HOXA9: variants seen among roughly 807,000 people sequenced by gnomAD.
HOXA9 encodes homeobox A9, also known as homeobox protein Hox-A9.
In HOXA9, 18 loss-of-function variants were observed where a neutral mutation model predicts 19.0. The ratio of observed to expected loss-of-function variants is 0.95; its 90% confidence interval spans 0.65 to 1.40. The LOEUF is 1.40. HOXA9 is among the 40% of genes most tolerant of loss of function. The pLI is 0.00. For synonymous variants in HOXA9, 198 were observed against 161.1 expected, an observed-to-expected ratio of 1.23 and a Z score of -1.73; for missense variants, 443 against 372.2, an observed-to-expected ratio of 1.19 and a Z score of -1.57.
chr7:27,165,384 A>T lies in HOXA9; in HGVS notation c.74T>A (p.Leu25Gln). 6.2e-7 allele frequency: 1 copy of T among 1,607,388 alleles called. No individual in the cohort carries two copies. The highest frequency in any genetic ancestry group is 8.5e-7 in the Non-Finnish European group (1 of 1,178,132). ...CCCCGGCGCATAGCGGCCAACGCTC[A>T]GCTCATCCGCGGCGTCGGCGCCCAG... ...FLLGADAADE[L>Q]SVGRYAPGTL... Residue 25 changes from leucine to glutamine, a missense_variant, in exon 1 of 2, where the codon CTG becomes CAG. Physicochemically the swap from Leu to Gln is moderately radical, Grantham distance 113. Transcript: ENST00000343483.
chr7:27,164,904 C>T lies in HOXA9; in HGVS notation c.554G>A (p.Gly185Asp). Residue 185 changes from glycine to aspartate, a missense_variant, in exon 1 of 2, where the codon GGC becomes GAC. By Grantham distance (94) the Gly-to-Asp change is moderately conservative. Coordinates refer to ENST00000343483, the MANE Select transcript of HOXA9 (RefSeq NM_152739.4). ...FSENNAENESGGDKPPIDPNN... is the reference protein window; with the variant it reads ...FSENNAENESDGDKPPIDPNN... ...GGGATCGATGGGGGGCTTGTCTCCG[C>T]CGCTCTCATTCTCAGCATTGTTTTC... 1 of 1,614,152 alleles carries T rather than the reference C, an allele frequency of 6.2e-7. No homozygotes were observed. Among genetic ancestry groups the T allele is most frequent in the Non-Finnish European group, 8.5e-7 (1 of 1,180,000 alleles).
At position 27,165,451 on chromosome 7, in the gene HOXA9, T is replaced by G. The variant is rs1783313909; in HGVS notation, c.7A>C (p.Thr3Pro). The change falls in exon 1 of 2, where the codon ACC (threonine) becomes CCC (proline). Residue 3 changes from threonine to proline, a missense_variant. Physicochemically the swap from Thr to Pro is conservative, Grantham distance 38 (BLOSUM62 -1). Transcript: ENST00000343483. ...TAGTAGTTGCCCAGGGCCCCAGTGG[T>G]GGCCATCACCGTGCCCAGCGCCTGG... MATTGALGNYYVD... is the reference protein window; with the variant it reads MAPTGALGNYYVD... 1.3e-6 allele frequency: 2 copies of G among 1,597,102 alleles called. No individual in the cohort carries two copies. The highest frequency in any genetic ancestry group is 1.4e-5 in the African/African-American group (1 of 73,462).
At position 27,162,791 on chromosome 7, in the gene HOXA9, T is replaced by C. The variant is rs570502030; in HGVS notation, c.*812A>G. The stretch of plus-strand genomic sequence containing the variant: ...AGCTTGTCTGATTATGCATATTTTC[T>C]TTAATCATATAGATTATATATACAA... On this transcript the variant is annotated 3_prime_UTR_variant, in exon 2 of 2. Transcript: ENST00000343483. 1.5e-5 allele frequency: 3 copies of C among 203,876 alleles called. No individual in the cohort carries two copies. The highest frequency in any genetic ancestry group is 1.5e-4 in the East Asian group (2 of 13,156). 12.6% of individuals were successfully genotyped at this position (203,876 alleles called of 1,614,324 possible).
rs1783231371 is a variant in HOXA9, at chr7:27,162,975, C to T, written c.*628G>A. 1 of 200,092 alleles carries T rather than the reference C, an allele frequency of 5.0e-6. No homozygotes were observed. Among genetic ancestry groups the T allele is most frequent in the East Asian group, 7.8e-5 (1 of 12,784 alleles). The allele number at this position is 200,092 out of a possible 1,614,324, so 12.4% of individuals were successfully genotyped here. A position where few individuals can be genotyped will look rare whatever the true frequency, so the allele number is the denominator to read the frequency against. On this transcript the variant is annotated 3_prime_UTR_variant, in exon 2 of 2. Transcript: ENST00000343483. The stretch of plus-strand genomic sequence containing the variant: ...TACTTTACAATCATAGGTTAACAGC[C>T]TAGTTATACAGAAGACATATTCCAC...
Position 27,165,101 on chromosome 7 carries a change from G to T in HOXA9, c.357C>A (p.Leu119=). The stretch of plus-strand genomic sequence containing the variant: ...GGCTGGAGGGCAAGCCCGCGAAGGA[G>T]AGCGCACCGGGCGTGGGCTCCAGCC... ...RSWLEPTPGA[L]SFAGLPSSRP... Residue 119 remains leucine (L), a synonymous_variant, in exon 1 of 2, where the codon CTC becomes CTA. Transcript: ENST00000343483. The T allele has an allele frequency of 6.2e-7, 1 of 1,612,718 alleles. No individual in the cohort carries two copies. The highest frequency in any genetic ancestry group is 2.2e-5 in the East Asian group (1 of 44,846).
At position 27,164,869 on chromosome 7, in the gene HOXA9, G is replaced by A. The variant is rs1783283626; in HGVS notation, c.580+9C>T. 1 of 1,610,346 alleles carries A rather than the reference G, an allele frequency of 6.2e-7. No homozygotes were observed. Among genetic ancestry groups the A allele is most frequent in the Non-Finnish European group, 8.5e-7 (1 of 1,177,380 alleles). ...GGCGGCGGCGGATTTGAAGGGAGGA[G>A]ACACTTACTGGGATCGATGGGGGGC... On this transcript the variant is annotated intron_variant, in intron 1 of 1. Coordinates refer to ENST00000343483, the MANE Select transcript of HOXA9 (RefSeq NM_152739.4).
rs1181682973 is a variant in HOXA9, at chr7:27,163,917, G to A, written c.581-76C>T. The A allele has an allele frequency of 1.1e-5, 13 of 1,231,078 alleles. No individual in the cohort carries two copies. In the East Asian group the frequency reaches 3.0e-4, roughly 29 times the overall value. The allele number at this position is 1,231,078 out of a possible 1,614,324, so 76.3% of individuals were successfully genotyped here. On this transcript the variant is annotated intron_variant, in intron 1 of 1. Transcript: ENST00000343483. ...TGGGGCAAATGAGCCTCCTGCATGG[G>A]GTCTCTGGCCGAAGTGCAGAACTCT...
In HOXA9 at chr7:27,163,022, A is replaced by G. The variant is rs897537594; in HGVS notation, c.*581T>C. The G allele has an allele frequency of 1.5e-5, 3 of 205,716 alleles. No individual in the cohort carries two copies. The highest frequency in any genetic ancestry group is 6.9e-5 in the African/African-American group (3 of 43,772). The allele number at this position is 205,716 out of a possible 1,614,324, so 12.7% of individuals were successfully genotyped here. A position where few individuals can be genotyped will look rare whatever the true frequency, so the allele number is the denominator to read the frequency against. On this transcript the variant is annotated 3_prime_UTR_variant, in exon 2 of 2. Transcript: ENST00000343483. ...CCACTACAGAGCTATACTCTATGCAACTGTTTTTTTCCCCTCATAAACAAC... is the reference window on the plus strand; with the variant it reads ...CCACTACAGAGCTATACTCTATGCAGCTGTTTTTTTCCCCTCATAAACAAC...
At chr7:27,164,713 T>C (rs1783279847) in intron 1 of HOXA9, among the ~76,000 whole-genome samples, 165 bp downstream of exon 1, 1 of 152,168 alleles carries the variant, frequency 6.6e-6, no homozygotes, top group Admixed American at 6.5e-5. Context: ...TCTCCAGACT[T>C]GGGGCCCTAT....
Position 27,163,358 on chromosome 7 carries a change from A to C in HOXA9, c.*245T>G. ...TATCAGCACTAATGCCCCCCCCTCAACTTTTCCTTTTTCTTATAGAAAATG... is the reference window on the plus strand; with the variant it reads ...TATCAGCACTAATGCCCCCCCCTCACCTTTTCCTTTTTCTTATAGAAAATG... On this transcript the variant is annotated 3_prime_UTR_variant, in exon 2 of 2. Transcript: ENST00000343483. 1 of 495,490 alleles carries C rather than the reference A, an allele frequency of 2.0e-6. No homozygotes were observed. Among genetic ancestry groups the C allele is most frequent in the Non-Finnish European group, 3.6e-6 (1 of 279,354 alleles). 30.7% of individuals were successfully genotyped at this position (495,490 alleles called of 1,614,324 possible). A position where few individuals can be genotyped will look rare whatever the true frequency, so the allele number is the denominator to read the frequency against.
At position 27,164,876 on chromosome 7, in the gene HOXA9, A is replaced by T. The variant is rs550904347; in HGVS notation, c.580+2T>A. ...GCGGATTTGAAGGGAGGAGACACTT[A>T]CTGGGATCGATGGGGGGCTTGTCTC... On this transcript the variant is annotated splice_donor_variant, in intron 1 of 1. Coordinates refer to ENST00000343483, the MANE Select transcript of HOXA9 (RefSeq NM_152739.4). LOFTEE classifies it high-confidence loss of function. The T allele has an allele frequency of 1.2e-6, 2 of 1,613,230 alleles. No homozygotes were observed. The highest frequency in any genetic ancestry group is 1.7e-6 in the Non-Finnish European group (2 of 1,179,496).
At chr7:27,164,143 A>G (rs984145041) in intron 1 of HOXA9, among the ~76,000 whole-genome samples, 3 of 152,032 alleles carry the variant, frequency 2.0e-5, no homozygotes, top group Admixed American at 2.0e-4. Context: ...TGAAATTTGG[A>G]AACAGGTCTC....
Position 27,163,584 on chromosome 7 carries a change from T to C in HOXA9, c.*19A>G. On this transcript the variant is annotated 3_prime_UTR_variant, in exon 2 of 2. Coordinates refer to ENST00000343483, the MANE Select transcript of HOXA9 (RefSeq NM_152739.4). ...TTTCTCTCTAGCTTACCCTTTTTTC[T>C]AAATAAGCCCAAATGGCATCACTCG... 1.3e-6 allele frequency: 2 copies of C among 1,577,380 alleles called. No individual in the cohort carries two copies. Among genetic ancestry groups the C allele is most frequent in the Non-Finnish European group, 1.7e-6 (2 of 1,150,914 alleles).
chr7:27,164,720 C>A (rs1480890769), intron 1 of HOXA9, among the ~76,000 whole-genome samples, 158 bp downstream of exon 1: 1 of 152,224 alleles, frequency 6.6e-6, no homozygotes, highest in East Asian at 1.9e-4. Context: ...ACTTGGGGCC[C>A]TATCTGAGGC....
chr7:27,163,735 C>A lies in HOXA9; in HGVS notation c.687G>T (p.Met229Ile), dbSNP rs1242567462. The change falls in exon 2 of 2, where the codon ATG becomes ATT. Residue 229 changes from methionine (M) to isoleucine (I), a missense_variant. Physicochemically the swap from Met to Ile is conservative, Grantham distance 10 (BLOSUM62 1). Coordinates refer to ENST00000343483, the MANE Select transcript of HOXA9 (RefSeq NM_152739.4). ...LELEKEFLFNMYLTRDRRYEV... is the reference protein window; with the variant it reads ...LELEKEFLFNIYLTRDRRYEV... Reference sequence around the variant, plus strand: ...CGTACCTGCGGTCCCTGGTGAGGTACATGTTGAACAGAAACTCTTTCTCCA... The same window carrying A: ...CGTACCTGCGGTCCCTGGTGAGGTAAATGTTGAACAGAAACTCTTTCTCCA... The A allele has an allele frequency of 6.2e-7, 1 of 1,614,002 alleles. No individual in the cohort carries two copies. Among genetic ancestry groups the A allele is most frequent in the Non-Finnish European group, 8.5e-7 (1 of 1,179,986 alleles).
chr7:27,165,477 C>G lies in HOXA9; in HGVS notation c.-20G>C. On this transcript the variant is annotated 5_prime_UTR_variant, in exon 1 of 2. Transcript: ENST00000343483. The stretch of plus-strand genomic sequence containing the variant: ...GGCCATCACCGTGCCCAGCGCCTGG[C>G]CCGCCCGGCCCGACCCACGGAAATT... The G allele has an allele frequency of 1.3e-6, 2 of 1,548,976 alleles. No individual in the cohort carries two copies. Among genetic ancestry groups the G allele is most frequent in the Non-Finnish European group, 1.7e-6 (2 of 1,153,902 alleles).
Position 27,165,177 on chromosome 7 carries a change from G to C in HOXA9, c.281C>G (p.Pro94Arg). 6.3e-7 allele frequency: 1 copy of C among 1,596,420 alleles called. No homozygotes were observed. Among genetic ancestry groups the C allele is most frequent in the Non-Finnish European group, 8.5e-7 (1 of 1,171,582 alleles). ...CGCCGCCGCCGCCACGGGCGCCTGG[G>C]GGTGCACGTAGGGGTGGTGGTGATG... ...HHHHHHPYVH[P>R]QAPVAAAAPD... The change falls in exon 1 of 2, where the codon CCC becomes CGC. Residue 94 changes from proline (P) to arginine (R), a missense_variant. Physicochemically the swap from Pro to Arg is moderately radical, Grantham distance 103. Transcript: ENST00000343483.
Position 27,163,617 on chromosome 7 carries a change from C to T in HOXA9, c.805G>A (p.Ala269Thr). Residue 269 changes from alanine (A) to threonine (T), a missense_variant, in exon 2 of 2, where the codon GCA becomes ACA. Ala to Thr is a moderately conservative substitution (Grantham distance 58). Coordinates refer to ENST00000343483, the MANE Select transcript of HOXA9 (RefSeq NM_152739.4). Reference protein sequence around the residue: ...MKMKKINKDRAKDE With the variant: ...MKMKKINKDRTKDE Reference sequence around the variant, plus strand: ...CCCAAATGGCATCACTCGTCTTTTGCTCGGTCTTTGTTGATTTTCTTCATT... The same window carrying T: ...CCCAAATGGCATCACTCGTCTTTTGTTCGGTCTTTGTTGATTTTCTTCATT... The T allele has an allele frequency of 4.3e-6, 7 of 1,612,166 alleles. No homozygotes were observed. The highest frequency in any genetic ancestry group is 5.9e-6 in the Non-Finnish European group (7 of 1,178,828).
Position 27,163,384 on chromosome 7 carries a change from GAAAGCTTACAATACCTCCTCCATC to G in HOXA9, c.*195_*218del. On this transcript the variant is annotated 3_prime_UTR_variant, in exon 2 of 2. Transcript: ENST00000343483. ...CTTTTCCTTTTTCTTATAGAAAATG[GAAAGCTTACAATACCTCCTCCATC>G]AAAGCGGCAGGCCTACGAGCCAGCC... 1.9e-6 allele frequency: 1 copy of G among 526,394 alleles called. No homozygotes were observed. Among genetic ancestry groups the G allele is most frequent in the Non-Finnish European group, 3.4e-6 (1 of 296,876 alleles). The allele number at this position is 526,394 out of a possible 1,614,324, so 32.6% of individuals were successfully genotyped here. A position where few individuals can be genotyped will look rare whatever the true frequency, so the allele number is the denominator to read the frequency against.
Sources: gnomAD v4.1 joint callset for allele counts (sites outside exome capture counted in the v4.1 genomes callset) on GRCh38, gnomAD v4.1.1 for gene constraint, MANE v1.5 for transcripts, NCBI Gene and HGNC (gene_info 2026-07-23, HGNC 2026-07-21) for gene names.